Variants in KCNJ6 observed in about 807,000 individuals in gnomAD.
KCNJ6 encodes potassium inwardly rectifying channel subfamily J member 6.
A neutral mutation model predicts 34.2 loss-of-function variants in KCNJ6; 9 were observed. That is an observed-to-expected ratio of 0.26 (90% CI 0.16 to 0.46). KCNJ6 has a LOEUF of 0.46. KCNJ6 is among the 20% of genes least tolerant of loss of function. The pLI is 1.00. For missense variants in KCNJ6, 236 were observed against 531.3 expected, an observed-to-expected ratio of 0.44 and a Z score of 5.46; for synonymous variants, 196 against 207.1, an observed-to-expected ratio of 0.95 and a Z score of 0.46.
intron 3 of KCNJ6, among the ~76,000 whole-genome samples, chr21:37,690,010 T>C (rs1182920672): frequency 6.6e-6 from 1 of 152,224 alleles, no homozygotes. Context: ...AAAATAGAAA[T>C]ACTCTTATCC....
At chr21:37,902,699 C>G (rs959892559) in intron 1 of KCNJ6, among the ~76,000 whole-genome samples, 3 of 152,186 alleles carry the variant, frequency 2.0e-5, no homozygotes, top group Admixed American at 2.0e-4. Flanking sequence ...CAGGAAGGCA[C>G]CGGCCTACAG....
At chr21:37,776,289 G>T (rs1265465171) in intron 2 of KCNJ6, among the ~76,000 whole-genome samples, 1 of 152,174 alleles carries the variant, frequency 6.6e-6, no homozygotes, top group Non-Finnish European at 1.5e-5. Context: ...CATGTCATCT[G>T]CAAACAGGGA....
At chr21:37,794,986 G>A (rs1021283349) in intron 2 of KCNJ6, among the ~76,000 whole-genome samples, 22 of 152,168 alleles carry the variant, frequency 1.4e-4, no homozygotes, top group Non-Finnish European at 2.2e-4. Flanking sequence ...AGAGGTCTGG[G>A]TAAAGATCAT....
rs938918801 is a variant in KCNJ6 at position 37,635,271 on chromosome 21, T to G, written c.947-9787A>C. Among the ~76,000 whole-genome samples the G allele has an allele frequency of 2.2e-4, 34 of 151,528 alleles. 1 individual carries two copies. ...TCTTACTCTGTTGCCCAGGCTGGAG[T>G]GCAGTGGTGTGATCTGGGCTTACTG... On this transcript the variant is annotated intron_variant, in intron 3 of 3. Coordinates refer to ENST00000609713, the MANE Select transcript of KCNJ6 (RefSeq NM_002240.5).
intron 2 of KCNJ6, among the ~76,000 whole-genome samples, chr21:37,761,071 G>A (rs973856427): frequency 5.3e-5 from 8 of 152,144 alleles, no homozygotes; most frequent in African/African-American, 9.7e-5. Flanking sequence ...GCCAGGGGAC[G>A]CCCCTTAGAG....
intron 2 of KCNJ6, among the ~76,000 whole-genome samples, chr21:37,798,189 G>C (rs1384056771): frequency 6.6e-6 from 1 of 152,178 alleles, no homozygotes; most frequent in African/African-American, 2.4e-5. Context: ...GAAGTATCTG[G>C]CCTTGGAACA....
At chr21:37,673,536 A>T (rs2054551196) in intron 3 of KCNJ6, among the ~76,000 whole-genome samples, 1 of 152,224 alleles carries the variant, frequency 6.6e-6, no homozygotes, top group African/African-American at 2.4e-5. Context: ...TTCCTGGCCC[A>T]GTGGCTGGGC....
intron 2 of KCNJ6, among the ~76,000 whole-genome samples, chr21:37,797,674 C>T (rs2055250156): frequency 6.6e-6 from 1 of 152,120 alleles, no homozygotes; most frequent in African/African-American, 2.4e-5. Context: ...TTTCAACATC[C>T]TCACAACTCG....
rs1292822173 is a variant in KCNJ6 at position 37,623,954 on chromosome 21, A to AT, written c.*1204dup. ...TGCCACTCACTACATGCCTTTGTGAATTTCACGGCTTTAGACCCAAACCAT... is the reference window on the plus strand; with the variant it reads ...TGCCACTCACTACATGCCTTTGTGAATTTTCACGGCTTTAGACCCAAACCAT... On this transcript the variant is annotated 3_prime_UTR_variant, in exon 4 of 4. Coordinates refer to ENST00000609713, the MANE Select transcript of KCNJ6 (RefSeq NM_002240.5). 1 of 152,214 alleles carries AT rather than the reference A, an allele frequency of 6.6e-6. No homozygotes were observed. The highest frequency in any genetic ancestry group is 1.5e-5 in the Non-Finnish European group (1 of 68,032). 9.4% of individuals were successfully genotyped at this position (152,214 alleles called of 1,614,324 possible).
At chr21:37,879,252 T>C (rs1447359542) in intron 1 of KCNJ6, among the ~76,000 whole-genome samples, 1 of 152,130 alleles carries the variant, frequency 6.6e-6, no homozygotes, top group Non-Finnish European at 1.5e-5. Flanking sequence ...AGAGAATTTG[T>C]ACAGGTCAGG....
chr21:37,692,837 C>T (rs2123429603), intron 3 of KCNJ6, among the ~76,000 whole-genome samples: 1 of 152,316 alleles, frequency 6.6e-6, no homozygotes, highest in South Asian at 2.1e-4. Context: ...CCACTCCCCT[C>T]ACCTAAATGG....
chr21:37,867,735 C>T (rs952679754), intron 1 of KCNJ6, among the ~76,000 whole-genome samples: 2 of 152,144 alleles, frequency 1.3e-5, no homozygotes, highest in Non-Finnish European at 2.9e-5. Flanking sequence ...ATAAAAATAA[C>T]AGAAGGTTAC....
intron 3 of KCNJ6, among the ~76,000 whole-genome samples, chr21:37,644,329 A>C (rs1366944872): frequency 6.6e-6 from 1 of 152,206 alleles, no homozygotes; most frequent in Non-Finnish European, 1.5e-5. Context: ...CCCATGACGC[A>C]AGTTTACCTA....
chr21:37,649,240 T>C lies in KCNJ6; in HGVS notation c.947-23756A>G, dbSNP rs138063568. ...ATCTTACATTTCCTCAAGCTAACCA[T>C]GGCATGTTGTGGGAGAGGCCGAGGA... On this transcript the variant is annotated intron_variant, in intron 3 of 3. Coordinates refer to ENST00000609713, the MANE Select transcript of KCNJ6 (RefSeq NM_002240.5). Among the ~76,000 whole-genome samples the C allele has an allele frequency of 4.0e-5, 6 of 151,856 alleles. No homozygotes were observed. The East Asian group carries it at 1.2e-3, about 29-fold the overall frequency.
chr21:37,702,818 T>C (rs2054698525), intron 3 of KCNJ6, among the ~76,000 whole-genome samples: 1 of 151,808 alleles, frequency 6.6e-6, no homozygotes, highest in East Asian at 1.9e-4. Flanking sequence ...GGGAAAGCAG[T>C]AGGGGAGTCA....
chr21:37,734,032 C>T (rs1419631072), intron 2 of KCNJ6, among the ~76,000 whole-genome samples: 1 of 152,194 alleles, frequency 6.6e-6, no homozygotes, highest in Non-Finnish European at 1.5e-5. Context: ...GTCCTGCCAG[C>T]TTCATTATCA....
At chr21:37,913,347 A>G (rs1312761881) in intron 1 of KCNJ6, among the ~76,000 whole-genome samples, 1 of 152,174 alleles carries the variant, frequency 6.6e-6, no homozygotes, top group Non-Finnish European at 1.5e-5. Context: ...TACGACTGCA[A>G]CCTAGGAAAT....
intron 2 of KCNJ6, among the ~76,000 whole-genome samples, chr21:37,839,633 G>T (rs1328475193): frequency 6.6e-6 from 1 of 152,086 alleles, no homozygotes; most frequent in African/African-American, 2.4e-5. Flanking sequence ...AGCCTCCATT[G>T]TAACTTTCCA....
intron 1 of KCNJ6, among the ~76,000 whole-genome samples, chr21:37,871,420 T>C (rs952458441): frequency 5.3e-5 from 8 of 152,168 alleles, no homozygotes; most frequent in Non-Finnish European, 7.3e-5. Flanking sequence ...AAGGCTGATA[T>C]AGACCCTGTA....
Sources: gnomAD v4.1 joint callset for allele counts (sites outside exome capture counted in the v4.1 genomes callset) on GRCh38, gnomAD v4.1.1 for gene constraint, MANE v1.5 for transcripts, NCBI Gene and HGNC (gene_info 2026-07-23, HGNC 2026-07-21) for gene names.